Variants in SRGAP1 observed in about 807,000 individuals in gnomAD.
The protein encoded by SRGAP1 is SLIT-ROBO Rho GTPase-activating protein 1.
SRGAP1 carries 43 observed loss-of-function variants against 121.9 expected under a neutral mutation model. The ratio of observed to expected loss-of-function variants is 0.35; its 90% CI spans 0.28 to 0.46. The LOEUF is 0.46. SRGAP1 is among the 20% of genes least tolerant of loss of function. The probability of loss-of-function intolerance (pLI) is 1.00; values close to 1 mark genes in which losing one functional copy is unlikely to be tolerated. For missense variants in SRGAP1, 1,102 were observed against 1,350.9 expected (o/e 0.82, Z 2.89); for synonymous variants, 447 against 485.4 (o/e 0.92, Z 1.04).
intron 15 of SRGAP1, among the ~76,000 whole-genome samples, chr12:64,098,696 T>C (rs1013894925): frequency 6.6e-6 from 1 of 151,668 alleles, no homozygotes; most frequent in Non-Finnish European, 1.5e-5. Context: ...ATAAAAAAGC[T>C]AACTCCATGG....
At chr12:64,058,815 GA>G (rs10716972) in intron 6 of SRGAP1, among the ~76,000 whole-genome samples, 116,446 of 148,864 alleles carry the variant, frequency 0.78, 45,900 homozygotes, top group Non-Finnish European at 0.84. Context: ...TTCTAGTTTA[GA>G]AAAAAAAAAA....
At position 64,063,054 on chromosome 12, in the gene SRGAP1, C is replaced by G. The variant is rs747601728; in HGVS notation, c.939C>G (p.Ser313Arg). 2 of 1,614,042 alleles carry G rather than the reference C, an allele frequency of 1.2e-6. No individual in the cohort carries two copies. Among genetic ancestry groups the G allele is most frequent in the Non-Finnish European group, 1.7e-6 (2 of 1,179,992 alleles). ...ENAVDNLEPRSDKQRFMEMYP... is the reference protein window; with the variant it reads ...ENAVDNLEPRRDKQRFMEMYP... ...CAGTTGATAATTTAGAGCCCAGGAGCGATAAGCAGAGATTCATGGAGATGT... is the reference window on the plus strand; with the variant it reads ...CAGTTGATAATTTAGAGCCCAGGAGGGATAAGCAGAGATTCATGGAGATGT... Residue 313 changes from serine (S) to arginine (R), a missense_variant, in exon 7 of 22, where the codon AGC becomes AGG. Physicochemically the swap from Ser to Arg is moderately radical, Grantham distance 110. Coordinates refer to ENST00000355086, the MANE Select transcript of SRGAP1 (RefSeq NM_020762.4).
chr12:64,037,908 C>A (rs533966318), intron 4 of SRGAP1, among the ~76,000 whole-genome samples: 3 of 152,310 alleles, frequency 2.0e-5, no homozygotes, highest in South Asian at 4.1e-4. Flanking sequence ...ATCTTTCATC[C>A]TCTCTTTTCC....
At chr12:63,996,829 C>T (rs2033725188) in intron 3 of SRGAP1, among the ~76,000 whole-genome samples, 1 of 151,980 alleles carries the variant, frequency 6.6e-6, no homozygotes, top group Non-Finnish European at 1.5e-5. Flanking sequence ...GTTTTATCAA[C>T]CCTATGACTA....
intron 1 of SRGAP1, among the ~76,000 whole-genome samples, chr12:63,968,797 C>T (rs1264884988): frequency 6.6e-6 from 1 of 152,194 alleles, no homozygotes; most frequent in Non-Finnish European, 1.5e-5. Flanking sequence ...TCAGGAGAGC[C>T]CTAGTCTAGG....
rs1004603901 is a variant in SRGAP1, at chr12:63,941,709, T to G, written c.68-42238T>G. On this transcript the variant is annotated intron_variant, in intron 1 of 21. Transcript: ENST00000355086. ...AAAAAAAAGGACTTGATCCTTTGAG[T>G]GGAAAGCCTTTTCTAACATATTTCT... Among the ~76,000 whole-genome samples the G allele has an allele frequency of 2.0e-5, 3 of 151,538 alleles. No homozygotes were observed. In the East Asian group the frequency reaches 5.8e-4, roughly 29 times the overall value.
chr12:64,137,303 C>T (rs1565697217), intron 21 of SRGAP1, among the ~76,000 whole-genome samples: 1 of 151,578 alleles, frequency 6.6e-6, no homozygotes, highest in African/African-American at 2.4e-5. Context: ...AAAACAAAAA[C>T]TCAACAGATG....
At chr12:63,871,638 T>C (rs1469785101) in intron 1 of SRGAP1, 4 of 321,650 alleles carry the variant, frequency 1.2e-5, no homozygotes, top group Non-Finnish European at 2.3e-5. Context: ...TTCTTTTTTC[T>C]TTTTTTTTTG....
chr12:64,057,591 G>C (rs2035367170), intron 6 of SRGAP1, among the ~76,000 whole-genome samples: 1 of 152,088 alleles, frequency 6.6e-6, no homozygotes, highest in Non-Finnish European at 1.5e-5. Flanking sequence ...GCACTATTTT[G>C]CAAGAAGGCT....
intron 1 of SRGAP1, among the ~76,000 whole-genome samples, chr12:63,942,114 A>G (rs1001304500): frequency 3.9e-5 from 6 of 152,122 alleles, no homozygotes; most frequent in African/African-American, 1.4e-4. Flanking sequence ...TCCCCCTCTC[A>G]ACACCCTCTA....
At chr12:64,053,245 A>G (rs996179261) in intron 6 of SRGAP1, among the ~76,000 whole-genome samples, 1 of 152,168 alleles carries the variant, frequency 6.6e-6, no homozygotes, top group East Asian at 1.9e-4. Flanking sequence ...GTGAGCCCAT[A>G]TTGTCTGTGT....
intron 1 of SRGAP1, among the ~76,000 whole-genome samples, chr12:63,852,519 G>A (rs1899110127): frequency 6.6e-6 from 1 of 152,138 alleles, no homozygotes; most frequent in Admixed American, 6.6e-5. Context: ...TCATTATAAG[G>A]TGGATTTTAT....
rs1348485610 is a variant in SRGAP1, at chr12:64,161,982, A to G, written c.*19310A>G. The stretch of plus-strand genomic sequence containing the variant: ...GCCAGTCATAAACCACATATTGTGT[A>G]TATTTTATCCATAAGAAATGTTCAG... On this transcript the variant is annotated 3_prime_UTR_variant, in exon 22 of 22. Transcript: ENST00000355086. The G allele has an allele frequency of 1.3e-5, 2 of 152,262 alleles. No individual in the cohort carries two copies. Among genetic ancestry groups the G allele is most frequent in the African/African-American group, 4.8e-5 (2 of 41,474 alleles). The allele number at this position is 152,262 out of a possible 1,614,324, so 9.4% of individuals were successfully genotyped here. A position where few individuals can be genotyped will look rare whatever the true frequency, so the allele number is the denominator to read the frequency against.
chr12:64,130,431 G>A (rs1281177157), intron 21 of SRGAP1, among the ~76,000 whole-genome samples: 1 of 152,152 alleles, frequency 6.6e-6, no homozygotes, highest in African/African-American at 2.4e-5. Flanking sequence ...GGTCACTAGG[G>A]ATAATGATGA....
At position 64,124,506 on chromosome 12, in the gene SRGAP1, C is replaced by T. The variant is rs545205065; in HGVS notation, c.2225-1471C>T. 2.0e-5 allele frequency among the ~76,000 whole-genome samples: 3 copies of T among 152,260 alleles called. No homozygotes were observed. In the South Asian group the frequency reaches 6.2e-4, roughly 32 times the overall value. ...ATAGGCATATTCCTGTAAGTATATG[C>T]CCCTTGCCTTGGCCCCTTTTTGTCC... On this transcript the variant is annotated intron_variant, in intron 18 of 21. Coordinates refer to ENST00000355086, the MANE Select transcript of SRGAP1 (RefSeq NM_020762.4).
In SRGAP1 at chr12:64,153,564, TA is replaced by T. The variant is rs1169750700; in HGVS notation, c.*10893del. ...CCAAAAAGGAACATGACAGCATCTA[TA>T]TTTTTAGAAGATGACCCTCAAAACC... On this transcript the variant is annotated 3_prime_UTR_variant, in exon 22 of 22. Transcript: ENST00000355086. 2.0e-5 allele frequency: 3 copies of T among 152,018 alleles called. No individual in the cohort carries two copies. Among genetic ancestry groups the T allele is most frequent in the Non-Finnish European group, 4.4e-5 (3 of 68,024 alleles). 9.4% of individuals were successfully genotyped at this position (152,018 alleles called of 1,614,324 possible). A position where few individuals can be genotyped will look rare whatever the true frequency, so the allele number is the denominator to read the frequency against.
At chr12:64,017,387 C>T in intron 4 of SRGAP1, among the ~76,000 whole-genome samples, 1 of 152,038 alleles carries the variant, frequency 6.6e-6, no homozygotes, top group East Asian at 1.9e-4. Flanking sequence ...CCATTGTGGC[C>T]AGGCGTGGTG....
At chr12:63,985,971 A>T (rs78561437) in intron 2 of SRGAP1, among the ~76,000 whole-genome samples, 1 of 152,100 alleles carries the variant, frequency 6.6e-6, no homozygotes. Flanking sequence ...GACCCTGCAT[A>T]AAAAAATGGG....
At chr12:64,077,539 A>G (rs1306457659) in intron 8 of SRGAP1, among the ~76,000 whole-genome samples, 1 of 150,852 alleles carries the variant, frequency 6.6e-6, no homozygotes, top group Non-Finnish European at 1.5e-5. Flanking sequence ...AAATGAAGTT[A>G]AGGTGTTCTA....
Sources: gnomAD v4.1 joint callset for allele counts (sites outside exome capture counted in the v4.1 genomes callset) on GRCh38, gnomAD v4.1.1 for gene constraint, MANE v1.5 for transcripts, NCBI Gene and HGNC (gene_info 2026-07-23, HGNC 2026-07-21) for gene names.